The following DNASE1 variants were observed in gnomAD, a reference collection of about 807,000 sequenced individuals.
The protein encoded by DNASE1 is deoxyribonuclease 1.
A neutral mutation model predicts 33.9 loss-of-function variants in DNASE1; 40 were observed. The observed-to-expected ratio is 1.18, with a 90% CI of 0.92 to 1.54. The LOEUF (loss-of-function observed/expected upper bound fraction) is 1.54, where lower values mean the gene tolerates loss of function less well. Ranked by LOEUF, DNASE1 falls within the 40% of genes most tolerant of loss-of-function variation. The pLI, the probability that DNASE1 is intolerant of heterozygous loss-of-function variation, is 0.00. For synonymous variants in DNASE1, 216 were observed against 160.0 expected (o/e 1.35, Z -2.64); for missense variants, 518 against 372.6 (o/e 1.39, Z -3.21).
exon 10 of DNASE1, chr16:3,664,400 G>A: frequency 6.2e-7 from 1 of 1,612,424 alleles, no homozygotes; most frequent in Non-Finnish European, 8.5e-7. Context: ...CTGAGAGGCT[G>A]GTTAGCTGCC....
intron 1 of DNASE1, among the ~76,000 whole-genome samples, chr16:3,644,212 G>T (rs947838138): frequency 1.3e-5 from 2 of 152,280 alleles, no homozygotes. Flanking sequence ...GGAAGCTGAG[G>T]TGAAGAGTTT....
chr16:3,646,685 TAA>T (rs774712955), intron 1 of DNASE1, among the ~76,000 whole-genome samples: 1 of 152,050 alleles, frequency 6.6e-6, no homozygotes, highest in Non-Finnish European at 1.5e-5. Context: ...AGTAGGGGAA[TAA>T]AGAGATCTAA....
upstream of DNASE1, chr16:3,650,806 T>G (rs531217461): frequency 6.6e-6 from 1 of 152,160 alleles, no homozygotes; most frequent in Non-Finnish European, 1.5e-5. Flanking sequence ...TGGAATCTGG[T>G]AGAACACCGC....
chr16:3,612,901 C>A (rs1270821871), intron 1 of DNASE1, among the ~76,000 whole-genome samples: 1 of 150,712 alleles, frequency 6.6e-6, no homozygotes, highest in African/African-American at 2.5e-5. Flanking sequence ...GCCTTAACAT[C>A]TGAGAGTAGT....
downstream of DNASE1, chr16:3,661,836 C>A: frequency 9.8e-7 from 1 of 1,023,214 alleles, no homozygotes. Flanking sequence ...CACATGGGTG[C>A]AGCCTAAACT....
intron 1 of DNASE1, among the ~76,000 whole-genome samples, chr16:3,631,732 A>C (rs1434410225): frequency 6.6e-6 from 1 of 151,366 alleles, no homozygotes; most frequent in Non-Finnish European, 1.5e-5. Flanking sequence ...CGTGTTGGGC[A>C]GGCTGGTCTT....
chr16:3,663,205 C>G (rs1243560830), exon 10 of DNASE1: 8 of 694,450 alleles, frequency 1.2e-5, no homozygotes, highest in Non-Finnish European at 1.9e-5. Flanking sequence ...GCTGGGCCAG[C>G]TCCAGAAGCC....
At chr16:3,641,141 C>G (rs545183271), upstream of DNASE1, 97 of 394,894 alleles carry the variant, frequency 2.5e-4, no homozygotes, top group African/African-American at 1.8e-3. Context: ...CAGCATGGCC[C>G]TGCTGCAGCT....
chr16:3,624,131 G>T (rs1407477852), intron 1 of DNASE1, among the ~76,000 whole-genome samples: 1 of 151,898 alleles, frequency 6.6e-6, no homozygotes, highest in Non-Finnish European at 1.5e-5. Flanking sequence ...ACAAAAATCA[G>T]CTGGGCGCGG....
chr16:3,661,973 GAGCGTGGCCTCACCTGGGGTTGATCTCC>G, downstream of DNASE1: 1 of 1,590,952 alleles, frequency 6.3e-7, no homozygotes, highest in Non-Finnish European at 8.6e-7. Flanking sequence ...GAAGAGCCAG[GAGCGTGGCCTCACCTGGGGTTGATCTCC>G]AGCGTGGGCT....
intron 1 of DNASE1, among the ~76,000 whole-genome samples, chr16:3,647,673 C>T (rs2042214818): frequency 1.3e-5 from 2 of 152,020 alleles, no homozygotes; most frequent in African/African-American, 2.4e-5. Context: ...GGTACTGTAC[C>T]ACTTCATCTT....
downstream of DNASE1, chr16:3,658,218 C>T (rs528935468): frequency 4.2e-5 from 67 of 1,613,678 alleles, no homozygotes; most frequent in South Asian, 6.1e-4. Flanking sequence ...GCAATCATGG[C>T]GTTCTCGTAT....
At chr16:3,628,120 C>T (rs1251109972) in intron 1 of DNASE1, among the ~76,000 whole-genome samples, 2 of 151,938 alleles carry the variant, frequency 1.3e-5, no homozygotes, top group Admixed American at 6.6e-5. Context: ...TTTCTTTCAG[C>T]GATGTTTTGT....
At chr16:3,625,517 T>TA (rs1207638342) in intron 1 of DNASE1, among the ~76,000 whole-genome samples, 1 of 151,318 alleles carries the variant, frequency 6.6e-6, no homozygotes, top group Admixed American at 6.6e-5. Flanking sequence ...TCCCAGCTAT[T>TA]CAGTAGGCTG....
chr16:3,658,038 C>A lies in DNASE1; in HGVS notation c.*85C>A. 2 of 1,607,682 alleles carry A rather than the reference C, an allele frequency of 1.2e-6. No homozygotes were observed. Among genetic ancestry groups the A allele is most frequent in the South Asian group, 1.1e-5 (1 of 90,528 alleles). On this transcript the variant is annotated 3_prime_UTR_variant, in exon 9 of 9. Coordinates refer to ENST00000246949, the MANE Select transcript of DNASE1 (RefSeq NM_005223.4). ...CCAGAAAAAAAGCCCAACACACACT[C>A]GGGTTAAGAAATACCTTTAAATTTA...
At chr16:3,657,687 G>C (rs201755037) in intron 7 of DNASE1, 33 bp from the exon 8 acceptor site, 43 of 1,612,798 alleles carry the variant, frequency 2.7e-5, no homozygotes, top group Non-Finnish European at 3.5e-5. Flanking sequence ...TGTGTGAAAG[G>C]GGAACCTACT....
At chr16:3,614,624 T>C (rs1476068081) in intron 1 of DNASE1, among the ~76,000 whole-genome samples, 1 of 152,186 alleles carries the variant, frequency 6.6e-6, no homozygotes, top group African/African-American at 2.4e-5. Flanking sequence ...GGAGAAATAC[T>C]GGCTTGGTGT....
chr16:3,655,712 C>T (rs2042560958), intron 2 of DNASE1, 137 bp from the exon 3 acceptor site: 1 of 1,382,560 alleles, frequency 7.2e-7, no homozygotes, highest in African/African-American at 1.4e-5. Context: ...TGGCTGGCAG[C>T]AGGAGCCCAG....
At chr16:3,644,592 G>A (rs2379221) in intron 1 of DNASE1, among the ~76,000 whole-genome samples, 239 of 151,960 alleles carry the variant, frequency 1.6e-3, no homozygotes, top group Non-Finnish European at 2.8e-3. Context: ...AAAATTAGCC[G>A]GGGATGGTGG....
Sources: gnomAD v4.1 joint callset for allele counts (sites outside exome capture counted in the v4.1 genomes callset) on GRCh38, gnomAD v4.1.1 for gene constraint, MANE v1.5 for transcripts, NCBI Gene and HGNC (gene_info 2026-07-23, HGNC 2026-07-21) for gene names.